The following SLIT2 variants were observed in gnomAD, a reference collection of about 807,000 sequenced individuals.
The protein encoded by SLIT2 is slit guidance ligand 2.
A neutral mutation model predicts 185.7 loss-of-function variants in SLIT2; 41 were observed. That is an observed-to-expected ratio of 0.22 (90% confidence interval 0.17 to 0.29). SLIT2 has a LOEUF of 0.29. SLIT2 is among the 10% of genes least tolerant of loss of function. The probability of loss-of-function intolerance (pLI) is 1.00; values close to 1 mark genes in which losing one functional copy is unlikely to be tolerated. For synonymous variants in SLIT2, 693 were observed against 680.2 expected, an observed-to-expected ratio of 1.02 and a Z score of -0.29; for missense variants, 1,571 against 1,909.0, an observed-to-expected ratio of 0.82 and a Z score of 3.30.
intron 4 of SLIT2, among the ~76,000 whole-genome samples, chr4:20,404,269 G>A (rs1447859723): frequency 2.0e-5 from 3 of 151,844 alleles, no homozygotes; most frequent in Non-Finnish European, 2.9e-5. Flanking sequence ...TGATTTAAAC[G>A]TCCCCTATAT....
intron 5 of SLIT2, among the ~76,000 whole-genome samples, chr4:20,469,690 G>T (rs142512909): frequency 0.02 from 2,783 of 141,772 alleles, 35 homozygotes; most frequent in Admixed American, 0.029. Flanking sequence ...AGAATGTTTT[G>T]TTATTTTTTG....
chr4:20,293,212 A>G (rs1306197377), intron 4 of SLIT2, among the ~76,000 whole-genome samples: 2 of 152,246 alleles, frequency 1.3e-5, no homozygotes, highest in Non-Finnish European at 2.9e-5. Context: ...ATGCCAGACT[A>G]AGAACTTCAT....
intron 4 of SLIT2, among the ~76,000 whole-genome samples, chr4:20,279,661 A>G (rs1365150508): frequency 6.6e-6 from 1 of 152,174 alleles, no homozygotes; most frequent in African/African-American, 2.4e-5. Flanking sequence ...TACTAGGAGT[A>G]TGTTTCTTAT....
intron 4 of SLIT2, among the ~76,000 whole-genome samples, chr4:20,315,651 TAAG>T (rs1418046951): frequency 6.6e-6 from 1 of 151,976 alleles, no homozygotes; most frequent in Non-Finnish European, 1.5e-5. Flanking sequence ...GGAAAAAACA[TAAG>T]AAAGTTAAAA....
rs777507511 is a variant in SLIT2 at position 20,528,126 on chromosome 4, G to A, written c.1463-823G>A. ...TTCTTTGTGTTTCCAGGAAATCATCGGTAGTAATACTCTTACTGTGGTCAT... is the reference window on the plus strand; with the variant it reads ...TTCTTTGTGTTTCCAGGAAATCATCAGTAGTAATACTCTTACTGTGGTCAT... On this transcript the variant is annotated intron_variant, in intron 15 of 36. Transcript: ENST00000504154. The surrounding 1 kb of genome is among the most constrained non-coding windows in gnomAD (Gnocchi z 4.2). The A allele has an allele frequency of 4.1e-5, 16 of 392,624 alleles. No individual in the cohort carries two copies. The highest frequency in any genetic ancestry group is 7.5e-5 in the Admixed American group (2 of 26,786). 24.3% of individuals were successfully genotyped at this position (392,624 alleles called of 1,614,324 possible). A position where few individuals can be genotyped will look rare whatever the true frequency, so the allele number is the denominator to read the frequency against.
At chr4:20,417,438 A>G (rs7676481) in intron 4 of SLIT2, among the ~76,000 whole-genome samples, 3,840 of 113,602 alleles carry the variant, frequency 0.034, 128 homozygotes, top group African/African-American at 0.044. Context: ...GTGTGTGTGT[A>G]TATATATATA....
intron 29 of SLIT2, among the ~76,000 whole-genome samples, chr4:20,571,320 C>T (rs896744809): frequency 6.6e-5 from 10 of 152,120 alleles, no homozygotes; most frequent in African/African-American, 1.2e-4. Context: ...AAGTGCATGG[C>T]GTACAGAACA....
At chr4:20,562,830 CT>C (rs1228429790) in intron 26 of SLIT2, among the ~76,000 whole-genome samples, 1 of 151,674 alleles carries the variant, frequency 6.6e-6, no homozygotes, top group Non-Finnish European at 1.5e-5. Flanking sequence ...CCTGAGTTGC[CT>C]TTGATGTACC....
chr4:20,618,781 A>C lies in SLIT2; in HGVS notation c.4362A>C (p.Arg1454=). Residue 1454 remains arginine (R), a synonymous_variant, in exon 37 of 37, where the codon CGA becomes CGC. Coordinates refer to ENST00000504154, the MANE Select transcript of SLIT2 (RefSeq NM_004787.4). ...GTTCTTTTCTAGAAATCTCTTGTCG[A>C]GGGGAAAGGATAAGAGATTATTACC... ...GDSCDREISC[R]GERIRDYYQK... The C allele has an allele frequency of 6.3e-7, 1 of 1,585,548 alleles. No individual in the cohort carries two copies. The highest frequency in any genetic ancestry group is 2.3e-5 in the East Asian group (1 of 44,096).
chr4:20,584,658 C>T (rs1726896961), intron 29 of SLIT2, among the ~76,000 whole-genome samples: 1 of 152,196 alleles, frequency 6.6e-6, no homozygotes. Flanking sequence ...GAGTGGGTAT[C>T]ACTTTTGGCA....
chr4:20,530,407 C>T (rs981716293), intron 16 of SLIT2, among the ~76,000 whole-genome samples: 7 of 152,038 alleles, frequency 4.6e-5, no homozygotes, highest in African/African-American at 1.7e-4. Flanking sequence ...CCCCATCTCC[C>T]CAAGAAGCTG....
chr4:20,550,204 C>A (rs985180343), intron 24 of SLIT2, among the ~76,000 whole-genome samples: 2 of 152,152 alleles, frequency 1.3e-5, no homozygotes, highest in East Asian at 3.9e-4. Context: ...ATTTGCACTT[C>A]CAATTAGTAG....
At chr4:20,504,648 G>T (rs912414970) in intron 9 of SLIT2, among the ~76,000 whole-genome samples, 17 of 152,032 alleles carry the variant, frequency 1.1e-4, no homozygotes, top group African/African-American at 3.4e-4. Flanking sequence ...TTAAAAACAT[G>T]ATTTGGGACC....
intron 19 of SLIT2, among the ~76,000 whole-genome samples, chr4:20,541,015 T>A (rs1577889298): frequency 6.6e-6 from 1 of 152,282 alleles, no homozygotes; most frequent in East Asian, 1.9e-4. Context: ...AATTAATGAA[T>A]TAGCTGTTGT....
intron 4 of SLIT2, among the ~76,000 whole-genome samples, chr4:20,429,924 A>G (rs1262612109): frequency 6.6e-6 from 1 of 152,234 alleles, no homozygotes; most frequent in Non-Finnish European, 1.5e-5. Context: ...AGTGGAGAGT[A>G]TTAAAATCAA....
chr4:20,451,239 TGATGTGACC>T (rs1712436985), intron 4 of SLIT2, among the ~76,000 whole-genome samples: 1 of 152,166 alleles, frequency 6.6e-6, no homozygotes, highest in African/African-American at 2.4e-5. Context: ...TCACACTTAG[TGATGTGACC>T]GATGTGACAT....
chr4:20,575,629 G>A (rs1027002185), intron 29 of SLIT2, among the ~76,000 whole-genome samples: 4 of 151,998 alleles, frequency 2.6e-5, no homozygotes, highest in African/African-American at 9.7e-5. Context: ...TCCAGGCACG[G>A]CTTCTTTTCT....
chr4:20,463,460 T>TATATATATAG (rs1713956973), intron 4 of SLIT2, among the ~76,000 whole-genome samples: 1 of 62,206 alleles, frequency 1.6e-5, no homozygotes, highest in Non-Finnish European at 3.1e-5. Context: ...TATATATATA[T>TATATATATAG]ATATATATAT....
intron 4 of SLIT2, among the ~76,000 whole-genome samples, chr4:20,419,667 CTGTGTGTGTGTGTGTGTGTG>C (rs55679047): frequency 7.2e-6 from 1 of 137,996 alleles, no homozygotes; most frequent in Non-Finnish European, 1.5e-5. Context: ...AAGTTTTAAG[CTGTGTGTGTGTGTGTGTGTG>C]TGTGTGTGTG....
Sources: gnomAD v4.1 joint callset for allele counts (sites outside exome capture counted in the v4.1 genomes callset) on GRCh38, gnomAD v4.1.1 for gene constraint, Gnocchi (gnomAD v3.1) non-coding constraint, MANE v1.5 for transcripts, NCBI Gene and HGNC (gene_info 2026-07-23, HGNC 2026-07-21) for gene names.